The following LARP4B variants were observed in gnomAD, a reference collection of about 807,000 sequenced individuals.
LARP4B encodes la-related protein 4B.
A neutral mutation model predicts 89.8 loss-of-function variants in LARP4B; 12 were observed. That is an observed-to-expected ratio of 0.13 (90% CI 0.09 to 0.22). LARP4B has a LOEUF of 0.22. LARP4B is among the 10% of genes least tolerant of loss of function. The pLI, the probability that LARP4B is intolerant of heterozygous loss-of-function variation, is 1.00. For missense variants in LARP4B, 757 were observed against 947.7 expected (o/e 0.80, Z 2.64); for synonymous variants, 367 against 363.3 (o/e 1.01, Z -0.12).
At chr10:967,770 G>A in the LARP4B span, among the ~76,000 whole-genome samples, 1 of 152,132 alleles carries the variant, frequency 6.6e-6, no homozygotes, top group African/African-American at 2.4e-5. Context: ...CCATGATCTC[G>A]GCTCACTGCA....
intron 1 of LARP4B, among the ~76,000 whole-genome samples, chr10:921,879 C>A (rs56158919): frequency 0.011 from 1,699 of 152,292 alleles, 41 homozygotes; most frequent in African/African-American, 0.038. Context: ...CACGTGCACA[C>A]GCAGCAACAC....
intron 1 of LARP4B, among the ~76,000 whole-genome samples, chr10:926,513 A>G (rs979817775): frequency 6.6e-6 from 1 of 152,232 alleles, no homozygotes; most frequent in African/African-American, 2.4e-5. Context: ...AAGCACACAC[A>G]GGGCGAGGCC....
chr10:846,098 G>GA (rs1183534757), intron 5 of LARP4B, among the ~76,000 whole-genome samples: 1 of 152,130 alleles, frequency 6.6e-6, no homozygotes, highest in African/African-American at 2.4e-5. Context: ...ATGGAAAATT[G>GA]AAAACACAAC....
At chr10:886,747 T>C (rs1420137232) in intron 1 of LARP4B, among the ~76,000 whole-genome samples, 1 of 152,198 alleles carries the variant, frequency 6.6e-6, no homozygotes, top group Non-Finnish European at 1.5e-5. Context: ...CTCACTCATA[T>C]GTGAAAGTTA....
chr10:857,574 C>A lies in LARP4B; in HGVS notation c.430+6169G>T, dbSNP rs11253469. Among the ~76,000 whole-genome samples, 63 of 152,322 alleles carry A rather than the reference C, an allele frequency of 4.1e-4. No individual in the cohort carries two copies. In the East Asian group the frequency reaches 0.011, roughly 26 times the overall value. On this transcript the variant is annotated intron_variant, in intron 5 of 17. Transcript: ENST00000316157. ...ATTGGGGGAGGTACGATTTTCGGAT[C>A]AGGTCGGGTGGCCGGTCTGAAGACA...
chr10:955,236 C>T, the LARP4B span, among the ~76,000 whole-genome samples: 40 of 152,180 alleles, frequency 2.6e-4, 1 homozygote, highest in South Asian at 6.2e-4. This position sits in a 1 kb window ranked among gnomAD's most constrained non-coding sequence, Gnocchi z 5.2. Context: ...GGTAACACCC[C>T]GACTTCTGAA....
intron 1 of LARP4B, among the ~76,000 whole-genome samples, chr10:908,426 G>C (rs1836557061): frequency 6.6e-6 from 1 of 152,212 alleles, no homozygotes; most frequent in South Asian, 2.1e-4. Flanking sequence ...GTCAAGCAAA[G>C]TAATGGAACC....
chr10:954,656 G>A, the LARP4B span, among the ~76,000 whole-genome samples: 2 of 152,148 alleles, frequency 1.3e-5, no homozygotes, highest in African/African-American at 2.4e-5. The surrounding 1 kb of genome is among the most constrained non-coding windows in gnomAD (Gnocchi z 5.0). Context: ...GGGTGCGGCC[G>A]TGAGTGGCAG....
chr10:888,500 C>T (rs939124718), intron 1 of LARP4B, among the ~76,000 whole-genome samples: 17 of 152,108 alleles, frequency 1.1e-4, no homozygotes, highest in African/African-American at 3.9e-4. Flanking sequence ...TGACTTCAAG[C>T]GAAAGGACGT....
chr10:820,303 T>C (rs1348842790), intron 14 of LARP4B: 1 of 153,524 alleles, frequency 6.5e-6, no homozygotes, highest in Non-Finnish European at 1.5e-5. Context: ...ATCACTTATG[T>C]TTGGGTCTGT....
intron 1 of LARP4B, among the ~76,000 whole-genome samples, chr10:916,899 T>C (rs1836836458): frequency 6.6e-6 from 1 of 152,146 alleles, no homozygotes; most frequent in Admixed American, 6.5e-5. Context: ...GGTCTTGCTA[T>C]GTTGGCCAGG....
At chr10:976,155 G>A in the LARP4B span, among the ~76,000 whole-genome samples, 23,202 of 134,530 alleles carry the variant, frequency 0.17, 2,771 homozygotes, top group East Asian at 0.24. Context: ...GGCCTGTCGC[G>A]TAAGGTGCGG....
rs1042140741 is a variant in LARP4B, at chr10:858,284, G to T, written c.430+5459C>A. Among the ~76,000 whole-genome samples the T allele has an allele frequency of 2.6e-5, 4 of 152,060 alleles. No homozygotes were observed. The East Asian group carries it at 7.7e-4, about 29-fold the overall frequency. On this transcript the variant is annotated intron_variant, in intron 5 of 17. Transcript: ENST00000316157. ...TTGTTTTTTTTAACAGGCGTGCCAC[G>T]ATCGTTCTATAGAGAAAGGGCAGTC...
chr10:847,415 C>G (rs1264723421), intron 5 of LARP4B, among the ~76,000 whole-genome samples: 1 of 151,946 alleles, frequency 6.6e-6, no homozygotes, highest in Non-Finnish European at 1.5e-5. Flanking sequence ...GTTAACTTTC[C>G]CTTTAAAACC....
At chr10:860,973 G>A (rs1399181262) in intron 5 of LARP4B, among the ~76,000 whole-genome samples, 9 of 152,132 alleles carry the variant, frequency 5.9e-5, no homozygotes, top group African/African-American at 1.9e-4. Context: ...TGGCTAACAC[G>A]GTGAAACCCC....
chr10:958,358 C>T, the LARP4B span, among the ~76,000 whole-genome samples: 1 of 152,322 alleles, frequency 6.6e-6, no homozygotes, highest in Middle Eastern at 3.4e-3. Flanking sequence ...CGTGAAAGCA[C>T]CTTGTTCCTC....
intron 1 of LARP4B, among the ~76,000 whole-genome samples, chr10:899,546 G>C (rs574788139): frequency 6.6e-6 from 1 of 152,204 alleles, no homozygotes; most frequent in Non-Finnish European, 1.5e-5. Context: ...AACTTACCTT[G>C]ATCTTCTTCC....
chr10:865,783 T>A lies in LARP4B; in HGVS notation c.142-1513A>T, dbSNP rs1243795493. Among the ~76,000 whole-genome samples the A allele has an allele frequency of 3.9e-5, 6 of 152,236 alleles. No homozygotes were observed. The East Asian group carries it at 1.2e-3, about 29-fold the overall frequency. The stretch of plus-strand genomic sequence containing the variant: ...TACACATGATTTGCCTTTTCAAATG[T>A]GCCACCCACCTTCACACCACAGTGC... On this transcript the variant is annotated intron_variant, in intron 3 of 17. Coordinates refer to ENST00000316157, the MANE Select transcript of LARP4B (RefSeq NM_015155.3).
chr10:902,919 C>T (rs1043193950), intron 1 of LARP4B, among the ~76,000 whole-genome samples: 1 of 152,096 alleles, frequency 6.6e-6, no homozygotes, highest in Non-Finnish European at 1.5e-5. Flanking sequence ...CTGGGATTAC[C>T]GGTGTGAGCC....
Sources: gnomAD v4.1 joint callset for allele counts (sites outside exome capture counted in the v4.1 genomes callset) on GRCh38, gnomAD v4.1.1 for gene constraint, Gnocchi (gnomAD v3.1) non-coding constraint, MANE v1.5 for transcripts, NCBI Gene and HGNC (gene_info 2026-07-23, HGNC 2026-07-21) for gene names.